SLC25A42: variants seen among roughly 807,000 people sequenced by gnomAD.
The protein encoded by SLC25A42 is mitochondrial coenzyme A transporter SLC25A42.
Under a neutral mutation model 34.7 loss-of-function variants are expected in SLC25A42, and 19 were observed. The observed-to-expected ratio is 0.55, with a 90% CI of 0.38 to 0.80. The LOEUF is 0.80. Among genes scored for constraint, SLC25A42 ranks in the 30% least tolerant of loss-of-function variants. The pLI, the probability that SLC25A42 is intolerant of heterozygous loss-of-function variation, is 0.00. For missense variants in SLC25A42, 364 were observed against 441.3 expected (o/e 0.82, Z 1.57); for synonymous variants, 205 against 191.2 (o/e 1.07, Z -0.59).
At chr19:19,092,899 GT>G (rs1488489182) in intron 1 of SLC25A42, among the ~76,000 whole-genome samples, 4 of 152,148 alleles carry the variant, frequency 2.6e-5, no homozygotes, top group Admixed American at 1.3e-4. Flanking sequence ...GCTGATTGTT[GT>G]GGGGGGCGGA....
At chr19:19,097,037 A>G (rs1267033016) in intron 2 of SLC25A42, among the ~76,000 whole-genome samples, 1 of 152,078 alleles carries the variant, frequency 6.6e-6, no homozygotes, top group Non-Finnish European at 1.5e-5. Flanking sequence ...CCACAATTCC[A>G]CTGAAGAAAA....
chr19:19,092,550 G>A (rs888070115), intron 1 of SLC25A42, among the ~76,000 whole-genome samples: 1 of 152,204 alleles, frequency 6.6e-6, no homozygotes, highest in Non-Finnish European at 1.5e-5. Flanking sequence ...AGCCAAGGGA[G>A]GGTCTGAGGC....
At chr19:19,098,607 C>T (rs1032039302) in intron 2 of SLC25A42, among the ~76,000 whole-genome samples, 1 of 150,442 alleles carries the variant, frequency 6.6e-6, no homozygotes, top group Non-Finnish European at 1.5e-5. Context: ...AAAAACAACA[C>T]AGAGTTGGCT....
rs1419944658 is a variant in SLC25A42 at position 19,064,448 on chromosome 19, C to G, written c.-35+333C>G. The stretch of plus-strand genomic sequence containing the variant: ...CTGACACCGCGCCCCCACTCACGAA[C>G]ACCCGCCCCCACTCACGAACACCCC... On this transcript the variant is annotated intron_variant, in intron 1 of 7. Coordinates refer to ENST00000318596, the MANE Select transcript of SLC25A42 (RefSeq NM_178526.5). Among the ~76,000 whole-genome samples the G allele has an allele frequency of 6.0e-5, 8 of 133,488 alleles. No individual in the cohort carries two copies. In the Admixed American group the frequency reaches 6.1e-4, roughly 10 times the overall value. The allele number at this position is 133,488 out of a possible 152,430, so 87.6% of individuals were successfully genotyped here.
Position 19,101,793 on chromosome 19 carries a change from C to G in SLC25A42, c.94C>G (p.Gln32Glu). The G allele has an allele frequency of 6.2e-7, 1 of 1,613,080 alleles. No individual in the cohort carries two copies. Among genetic ancestry groups the G allele is most frequent in the Non-Finnish European group, 8.5e-7 (1 of 1,179,520 alleles). The change falls in exon 3 of 8, where the codon CAA (glutamine) becomes GAA (glutamate). Residue 32 changes from glutamine (Q) to glutamate (E), a missense_variant. By Grantham distance (29) the Gln-to-Glu change is conservative. Coordinates refer to ENST00000318596, the MANE Select transcript of SLC25A42 (RefSeq NM_178526.5). ...SSVSSKRDHR[Q>E]VLSSLLSGAL... The stretch of plus-strand genomic sequence containing the variant: ...TGTTCTGTTGCAGCGTGACCACAGG[C>G]AAGTGCTCAGCTCCCTGCTGTCTGG...
At position 19,101,800 on chromosome 19, in the gene SLC25A42, T is replaced by C. The variant is rs1052694166; in HGVS notation, c.101T>C (p.Leu34Pro). The C allele has an allele frequency of 1.2e-6, 2 of 1,613,504 alleles. No homozygotes were observed. The highest frequency in any genetic ancestry group is 1.7e-6 in the Non-Finnish European group (2 of 1,179,708). ...VSSKRDHRQVLSSLLSGALAG... is the reference protein window; with the variant it reads ...VSSKRDHRQVPSSLLSGALAG... ...TTGCAGCGTGACCACAGGCAAGTGC[T>C]CAGCTCCCTGCTGTCTGGGGCCCTG... Residue 34 changes from leucine (L) to proline (P), a missense_variant, in exon 3 of 8, where the codon CTC (leucine) becomes CCC (proline). Physicochemically the swap from Leu to Pro is moderately conservative, Grantham distance 98 (BLOSUM62 -3). Coordinates refer to ENST00000318596, the MANE Select transcript of SLC25A42 (RefSeq NM_178526.5).
At position 19,067,988 on chromosome 19, in the gene SLC25A42, G is replaced by A. The variant is rs557704882; in HGVS notation, c.-35+3873G>A. Among the ~76,000 whole-genome samples the A allele has an allele frequency of 1.6e-4, 24 of 152,258 alleles. No individual in the cohort carries two copies. The East Asian group carries it at 1.9e-3, about 12-fold the overall frequency. On this transcript the variant is annotated intron_variant, in intron 1 of 7. Transcript: ENST00000318596. Reference sequence around the variant, plus strand: ...TTGAGATAATCAGAATCATTCGCTCGTTTGGGTTTTGCAAGACAGAGCTTT... The same window carrying A: ...TTGAGATAATCAGAATCATTCGCTCATTTGGGTTTTGCAAGACAGAGCTTT...
chr19:19,084,538 A>T (rs1050205487), intron 1 of SLC25A42, among the ~76,000 whole-genome samples: 12 of 152,208 alleles, frequency 7.9e-5, no homozygotes, highest in African/African-American at 2.9e-4. Flanking sequence ...ATGGGGGAGG[A>T]GAGACAGCCG....
In SLC25A42 at chr19:19,109,519, T is replaced by A. The variant is rs1241530008; in HGVS notation, c.650-1050T>A. ...GATCTCAGCTCACTGCAACCTCCAC[T>A]TCCTGGGTTCAAGCCATTCTCCTGC... On this transcript the variant is annotated intron_variant, in intron 7 of 7. Transcript: ENST00000318596. The surrounding 1 kb of genome is among the most constrained non-coding windows in gnomAD (Gnocchi z 4.1). Among the ~76,000 whole-genome samples the A allele has an allele frequency of 1.3e-5, 2 of 152,004 alleles. No individual in the cohort carries two copies. The highest frequency in any genetic ancestry group is 2.9e-5 in the Non-Finnish European group (2 of 67,972).
At chr19:19,110,465 A>C in intron 7 of SLC25A42, 104 bp from the exon 8 acceptor site, 1 of 896,680 alleles carries the variant, frequency 1.1e-6, no homozygotes, top group Non-Finnish European at 1.5e-6. Flanking sequence ...GCATGTGTGT[A>C]TGTGCACGCA....
intron 5 of SLC25A42, 89 bp downstream of exon 5, chr19:19,105,816 G>A: frequency 1.7e-6 from 2 of 1,159,606 alleles, no homozygotes; most frequent in Non-Finnish European, 2.3e-6. Flanking sequence ...CCTCCTCTTC[G>A]TGCCTTGCCC....
intron 1 of SLC25A42, among the ~76,000 whole-genome samples, chr19:19,082,064 G>A (rs553540144): frequency 2.6e-5 from 4 of 152,208 alleles, no homozygotes; most frequent in South Asian, 4.2e-4. Context: ...TCCACCTCCC[G>A]TCACTCCCCT....
At chr19:19,091,897 A>C (rs1480008638) in intron 1 of SLC25A42, among the ~76,000 whole-genome samples, 1 of 152,184 alleles carries the variant, frequency 6.6e-6, no homozygotes, top group Non-Finnish European at 1.5e-5. Flanking sequence ...GCAACAACAA[A>C]AAGAATGTCA....
intron 1 of SLC25A42, among the ~76,000 whole-genome samples, chr19:19,064,966 TC>T (rs1430182750): frequency 2.0e-5 from 3 of 152,132 alleles, no homozygotes; most frequent in African/African-American, 7.2e-5. Context: ...CGGAATCATC[TC>T]CATTTTACCA....
At chr19:19,088,673 A>AT (rs372304504) in intron 1 of SLC25A42, among the ~76,000 whole-genome samples, 2,830 of 131,672 alleles carry the variant, frequency 0.021, 85 homozygotes, top group African/African-American at 0.076. Flanking sequence ...TTTTTTTTGT[A>AT]TTTTTTAGTA....
rs969090368 is a variant in SLC25A42, at chr19:19,071,726, C to T, written c.-35+7611C>T. Among the ~76,000 whole-genome samples, 8 of 151,970 alleles carry T rather than the reference C, an allele frequency of 5.3e-5. No individual in the cohort carries two copies. In the East Asian group the frequency reaches 5.8e-4, roughly 11 times the overall value. On this transcript the variant is annotated intron_variant, in intron 1 of 7. Coordinates refer to ENST00000318596, the MANE Select transcript of SLC25A42 (RefSeq NM_178526.5). ...GCTAAAAATATAAAAATTAGCCAGC[C>T]ATGGTGGCAGGCACCTGTAATCTCA...
intron 4 of SLC25A42, 158 bp downstream of exon 4, chr19:19,105,096 AACTG>A (rs1255499041): frequency 1.1e-6 from 1 of 873,438 alleles, no homozygotes; most frequent in African/African-American, 1.7e-5. Context: ...CCAGCCTGGG[AACTG>A]ACGGGACATC....
intron 1 of SLC25A42, among the ~76,000 whole-genome samples, chr19:19,085,186 C>T (rs962070547): frequency 6.6e-6 from 1 of 152,082 alleles, no homozygotes; most frequent in Non-Finnish European, 1.5e-5. Context: ...ACGGTGCCCC[C>T]AGTCATTAGC....
rs117940121 is a variant in SLC25A42, at chr19:19,096,150, C to G, written c.26C>G (p.Pro9Arg). 1.2e-6 allele frequency: 2 copies of G among 1,613,614 alleles called. No individual in the cohort carries two copies. The highest frequency in any genetic ancestry group is 2.2e-5 in the East Asian group (1 of 44,866). MGNGVKEG[P>R]VRLHEDAEAV... ...ATGGGTAATGGTGTGAAGGAAGGCC[C>G]GGTGCGATTGCATGAGGATGCTGAG... Residue 9 changes from proline to arginine, a missense_variant, in exon 2 of 8, where the codon CCG (proline) becomes CGG (arginine). Coordinates refer to ENST00000318596, the MANE Select transcript of SLC25A42 (RefSeq NM_178526.5).
Sources: allele counts gnomAD v4.1 joint callset (sites outside exome capture counted in the v4.1 genomes callset), GRCh38; gene constraint gnomAD v4.1.1; non-coding constraint Gnocchi (gnomAD v3.1); transcripts MANE v1.5; gene names NCBI Gene and HGNC (gene_info 2026-07-23, HGNC 2026-07-21).